Variants in PACS1 observed in about 807,000 individuals in gnomAD.
PACS1 encodes PACS-1.
A neutral mutation model predicts 115.0 loss-of-function variants in PACS1; 24 were observed. The ratio of observed to expected loss-of-function variants is 0.21; its 90% CI spans 0.15 to 0.29. PACS1 has a LOEUF of 0.29. Among genes scored for constraint, PACS1 ranks in the 10% least tolerant of loss-of-function variants. The pLI is 1.00. For synonymous variants in PACS1, 453 were observed against 504.5 expected, an observed-to-expected ratio of 0.90 and a Z score of 1.37; for missense variants, 838 against 1,251.2, an observed-to-expected ratio of 0.67 and a Z score of 4.98.
chr11:66,240,510 C>T (rs977130779), intron 21 of PACS1, among the ~76,000 whole-genome samples: 22 of 152,172 alleles, frequency 1.4e-4, no homozygotes, highest in Admixed American at 2.6e-4. Context: ...TTGGGTGGCA[C>T]GAAGCCTGCC....
intron 1 of PACS1, among the ~76,000 whole-genome samples, chr11:66,130,695 G>T (rs559006646): frequency 6.6e-6 from 1 of 152,218 alleles, no homozygotes; most frequent in East Asian, 1.9e-4. Context: ...CCACTGCATT[G>T]TATTTTTATT....
chr11:66,137,170 TAGAA>T (rs1457084132), intron 1 of PACS1, among the ~76,000 whole-genome samples: 3 of 151,340 alleles, frequency 2.0e-5, no homozygotes, highest in Non-Finnish European at 4.4e-5. Context: ...TATTCATACT[TAGAA>T]AGGCCTTGTC....
chr11:66,168,768 G>A (rs1384748536), intron 1 of PACS1, among the ~76,000 whole-genome samples: 1 of 150,006 alleles, frequency 6.7e-6, no homozygotes, highest in Non-Finnish European at 1.5e-5. Flanking sequence ...GTGTGTGTGT[G>A]TGTGTGTGTG....
chr11:66,163,909 G>C (rs531969077), intron 1 of PACS1, among the ~76,000 whole-genome samples: 1 of 152,024 alleles, frequency 6.6e-6, no homozygotes, highest in Non-Finnish European at 1.5e-5. Context: ...AAGTTGTTTC[G>C]GCCTCTGTGA....
chr11:66,222,534 GCA>G (rs980774436), intron 10 of PACS1, among the ~76,000 whole-genome samples: 1 of 152,212 alleles, frequency 6.6e-6, no homozygotes, highest in Non-Finnish European at 1.5e-5. Flanking sequence ...ACAATGGAAG[GCA>G]AGTGAGTGTT....
intron 1 of PACS1, among the ~76,000 whole-genome samples, chr11:66,115,219 A>AC (rs1165086556): frequency 4.6e-5 from 7 of 151,826 alleles, no homozygotes; most frequent in African/African-American, 1.5e-4. Flanking sequence ...AAAAAAAAAA[A>AC]AAAAAAAAAA....
At chr11:66,212,749 A>C (rs187661081) in intron 4 of PACS1, among the ~76,000 whole-genome samples, 1 of 152,224 alleles carries the variant, frequency 6.6e-6, no homozygotes, top group South Asian at 2.1e-4. Flanking sequence ...TTTAGCATCT[A>C]TTCATGATTC....
intron 1 of PACS1, among the ~76,000 whole-genome samples, chr11:66,084,658 G>C (rs1179201599): frequency 1.3e-5 from 2 of 152,128 alleles, no homozygotes; most frequent in African/African-American, 4.8e-5. Flanking sequence ...GATTGGATTT[G>C]AGGTGTGACA....
intron 1 of PACS1, among the ~76,000 whole-genome samples, chr11:66,126,473 A>G (rs1480215453): frequency 6.6e-6 from 1 of 152,188 alleles, no homozygotes; most frequent in African/African-American, 2.4e-5. Context: ...TGGGAAACAA[A>G]CAAAAAATAA....
intron 1 of PACS1, among the ~76,000 whole-genome samples, chr11:66,101,031 G>C (rs1857905506): frequency 6.6e-6 from 1 of 152,200 alleles, no homozygotes; most frequent in Non-Finnish European, 1.5e-5. Context: ...GCCATATTCA[G>C]GGGGAGGGTA....
intron 1 of PACS1, among the ~76,000 whole-genome samples, chr11:66,177,528 G>A (rs962740009): frequency 6.6e-6 from 1 of 152,166 alleles, no homozygotes; most frequent in African/African-American, 2.4e-5. Context: ...AGACTTTTCA[G>A]TTGTTCTTGG....
At chr11:66,117,460 C>CA (rs11407986) in intron 1 of PACS1, among the ~76,000 whole-genome samples, 91,196 of 129,916 alleles carry the variant, frequency 0.7, 31,657 homozygotes, top group Non-Finnish European at 0.77. Flanking sequence ...AACTCCATCT[C>CA]AAAAAAAAAA....
intron 1 of PACS1, among the ~76,000 whole-genome samples, chr11:66,160,617 C>T (rs1358153534): frequency 6.6e-6 from 1 of 151,390 alleles, no homozygotes; most frequent in Non-Finnish European, 1.5e-5. Flanking sequence ...CCACCTCAGC[C>T]TCCCAAGTAG....
rs536419117 is a variant in PACS1, at chr11:66,098,725, C to A, written c.356+27883C>A. On this transcript the variant is annotated intron_variant, in intron 1 of 23. Coordinates refer to ENST00000320580, the MANE Select transcript of PACS1 (RefSeq NM_018026.4). ...GCACCTAGCTGTCAGCGTCTCTTCACACCCTCCAGTCTGGGATCATCCTTT... is the reference window on the plus strand; with the variant it reads ...GCACCTAGCTGTCAGCGTCTCTTCAAACCCTCCAGTCTGGGATCATCCTTT... Among the ~76,000 whole-genome samples the A allele has an allele frequency of 7.9e-5, 12 of 152,348 alleles. No individual in the cohort carries two copies. The South Asian group carries it at 2.5e-3, about 32-fold the overall frequency.
At chr11:66,179,213 A>G (rs1351194321) in intron 1 of PACS1, among the ~76,000 whole-genome samples, 2 of 152,206 alleles carry the variant, frequency 1.3e-5, no homozygotes, top group African/African-American at 2.4e-5. Flanking sequence ...TTTATTGACC[A>G]CTTGCTCTCC....
chr11:66,209,150 A>C (rs1023410444), intron 2 of PACS1, among the ~76,000 whole-genome samples: 14 of 151,896 alleles, frequency 9.2e-5, no homozygotes, highest in Admixed American at 2.0e-4. Flanking sequence ...GTTCCTGGGA[A>C]AAAAAAATTC....
intron 2 of PACS1, among the ~76,000 whole-genome samples, chr11:66,203,042 A>G (rs1235008042): frequency 1.3e-5 from 2 of 152,058 alleles, no homozygotes; most frequent in Non-Finnish European, 2.9e-5. Context: ...AAATAAAGGC[A>G]TCCAGATTGG....
rs376597391 is a variant in PACS1, at chr11:66,202,743, ATATATATATATATATATAT to A, written c.445-7618_445-7600del. Among the ~76,000 whole-genome samples the A allele has an allele frequency of 4.6e-4, 27 of 58,958 alleles. 4 individuals are homozygous for A. Among genetic ancestry groups the A allele is most frequent in the Admixed American group, 8.2e-4 (3 of 3,656 alleles). The allele number at this position is 58,958 out of a possible 152,430, so 38.7% of individuals were successfully genotyped here. ...ATCTCTAGGAAAAAAAAAAAAAAAAATATATATATATATATATATATATATATATATATATATATTCTGA... is the reference window on the plus strand; with the variant it reads ...ATCTCTAGGAAAAAAAAAAAAAAAAAATATATATATATATATATATTCTGA... On this transcript the variant is annotated intron_variant, in intron 2 of 23. Coordinates refer to ENST00000320580, the MANE Select transcript of PACS1 (RefSeq NM_018026.4).
At position 66,219,436 on chromosome 11, in the gene PACS1, T is replaced by C. The variant is rs982181890; in HGVS notation, c.979-310T>C. 7.4e-5 allele frequency: 36 copies of C among 486,710 alleles called. 1 individual carries two copies. In the Admixed American group the frequency reaches 9.6e-4, roughly 13 times the overall value. The allele number at this position is 486,710 out of a possible 1,614,324, so 30.1% of individuals were successfully genotyped here. A position where few individuals can be genotyped will look rare whatever the true frequency, so the allele number is the denominator to read the frequency against. On this transcript the variant is annotated intron_variant, in intron 7 of 23. Coordinates refer to ENST00000320580, the MANE Select transcript of PACS1 (RefSeq NM_018026.4). ...GCAGGTAGGAGTCAGCAGTGGGCAC[T>C]GTGAATCCGAAGGGCAAGAGAAAGG...
Sources: gnomAD v4.1 joint callset for allele counts (sites outside exome capture counted in the v4.1 genomes callset) on GRCh38, gnomAD v4.1.1 for gene constraint, MANE v1.5 for transcripts, NCBI Gene and HGNC (gene_info 2026-07-23, HGNC 2026-07-21) for gene names.